ABCC9: variants seen among roughly 807,000 people sequenced by gnomAD.
ABCC9 encodes ATP-binding cassette sub-family C member 9.
A neutral mutation model predicts 188.3 loss-of-function variants in ABCC9; 95 were observed. The observed-to-expected ratio is 0.50, with a 90% CI of 0.43 to 0.60. The LOEUF (loss-of-function observed/expected upper bound fraction) is 0.60, where lower values mean the gene tolerates loss of function less well. Ranked by LOEUF, ABCC9 falls within the 20% of genes least tolerant of loss-of-function variation. The probability of loss-of-function intolerance (pLI) is 0.00; values close to 1 mark genes in which losing one functional copy is unlikely to be tolerated. For missense variants in ABCC9, 1,102 were observed against 1,876.3 expected (o/e 0.59, Z 7.62); for synonymous variants, 659 against 652.7 (o/e 1.01, Z -0.15).
intron 20 of ABCC9, among the ~76,000 whole-genome samples, chr12:21,862,031 A>T (rs1364186100): frequency 6.6e-6 from 1 of 152,126 alleles, no homozygotes; most frequent in African/African-American, 2.4e-5. Context: ...GTTCATCTTA[A>T]TGTAGTAGAG....
At chr12:21,852,279 A>AG in intron 23 of ABCC9, 57 bp from the exon 24 acceptor site, 1 of 1,613,512 alleles carries the variant, frequency 6.2e-7, no homozygotes, top group Non-Finnish European at 8.5e-7. Flanking sequence ...GGCAAAATGA[A>AG]CTACCTTTAT....
At chr12:21,914,492 A>AT (rs1948452535) in intron 7 of ABCC9, among the ~76,000 whole-genome samples, 1 of 152,178 alleles carries the variant, frequency 6.6e-6, no homozygotes, top group Admixed American at 6.6e-5. Context: ...TTAGTCTCTC[A>AT]TTTTGAACTA....
In ABCC9 at chr12:21,842,325, C is replaced by T. The variant is rs1336342134; in HGVS notation, c.3462G>A (p.Arg1154=). The T allele has an allele frequency of 3.7e-6, 6 of 1,613,642 alleles. No homozygotes were observed. Among genetic ancestry groups the T allele is most frequent in the Non-Finnish European group, 5.1e-6 (6 of 1,179,878 alleles). Residue 1154 remains arginine, a synonymous_variant, in exon 29 of 40, where the codon CGG becomes CGA. Coordinates refer to ENST00000261200, the MANE Select transcript of ABCC9 (RefSeq NM_020297.4). ...GCTGTTTTACTTACTTAGAGGCAAC[C>T]CGAAAGTATTTCTGGATAAAATAAA... is the stretch of plus-strand genomic sequence containing the variant. ...VAFYFIQKYF[R]VASKDLQELD... is the part of the protein sequence containing the mutation.
intron 14 of ABCC9, among the ~76,000 whole-genome samples, chr12:21,891,187 C>G (rs1947144889): frequency 6.6e-6 from 1 of 152,058 alleles, no homozygotes; most frequent in Admixed American, 6.6e-5. Flanking sequence ...TTCTTAATGC[C>G]TAGCAATGTA....
chr12:21,831,055 A>AT (rs200013400), intron 30 of ABCC9: 7,283 of 134,086 alleles, frequency 0.054, 311 homozygotes, highest in South Asian at 0.12. Flanking sequence ...CGCAAGGCTC[A>AT]TTTTTTTTTT....
intron 30 of ABCC9, 48 bp from the exon 31 acceptor site, chr12:21,829,108 TAAG>T (rs1162465756): frequency 7.7e-7 from 1 of 1,302,540 alleles, no homozygotes; most frequent in East Asian, 2.7e-5. Flanking sequence ...GGAGAGGTAA[TAAG>T]AAACAGTCAC....
intron 5 of ABCC9, among the ~76,000 whole-genome samples, chr12:21,921,727 C>T (rs1948827015): frequency 6.6e-6 from 1 of 151,982 alleles, no homozygotes; most frequent in African/African-American, 2.4e-5. Flanking sequence ...AGTCTTTAAT[C>T]CATTTTGATT....
At chr12:21,840,290 C>A (rs1273461987) in intron 29 of ABCC9, among the ~76,000 whole-genome samples, 4 of 152,128 alleles carry the variant, frequency 2.6e-5, no homozygotes, top group African/African-American at 7.2e-5. Flanking sequence ...TAAAGAACCT[C>A]AACATCTAGA....
At chr12:21,860,924 T>C in intron 21 of ABCC9, 47 bp downstream of exon 21, 1 of 1,431,200 alleles carries the variant, frequency 7.0e-7, no homozygotes, top group South Asian at 1.1e-5. Context: ...ACCAGAAGAC[T>C]TTTCTAGATT....
At chr12:21,930,083 G>GTTC in intron 4 of ABCC9, among the ~76,000 whole-genome samples, 1 of 150,588 alleles carries the variant, frequency 6.6e-6, no homozygotes, top group Middle Eastern at 3.5e-3. Context: ...AACATGCGGT[G>GTTC]TTTGGTTGTC....
intron 38 of ABCC9, among the ~76,000 whole-genome samples, chr12:21,807,034 C>T (rs112272984): frequency 1.5e-4 from 23 of 152,188 alleles, no homozygotes; most frequent in African/African-American, 4.1e-4. Flanking sequence ...ACTTTTCTGG[C>T]GTAGTACTTG....
At chr12:21,843,512 T>C (rs566746828) in intron 28 of ABCC9, among the ~76,000 whole-genome samples, 5 of 152,338 alleles carry the variant, frequency 3.3e-5, no homozygotes, top group African/African-American at 1.2e-4. Context: ...AGTTTATTTC[T>C]GTTTTTATAG....
At chr12:21,834,194 C>A (rs1250885330) in intron 30 of ABCC9, among the ~76,000 whole-genome samples, 1 of 152,054 alleles carries the variant, frequency 6.6e-6, no homozygotes, top group Non-Finnish European at 1.5e-5. Flanking sequence ...CATTCAATTT[C>A]TTTTTAAAAT....
At chr12:21,838,652 G>T (rs1194079759) in intron 29 of ABCC9, among the ~76,000 whole-genome samples, 1 of 152,192 alleles carries the variant, frequency 6.6e-6, no homozygotes. Flanking sequence ...AGTAGGAAGA[G>T]GCTATGTAAA....
chr12:21,866,477 T>C (rs774107197), intron 18 of ABCC9, among the ~76,000 whole-genome samples: 2 of 152,174 alleles, frequency 1.3e-5, no homozygotes, highest in Non-Finnish European at 2.9e-5. Flanking sequence ...TTATAAAACA[T>C]TAATAAAATA....
intron 30 of ABCC9, among the ~76,000 whole-genome samples, chr12:21,837,846 G>A (rs1486213517): frequency 6.6e-6 from 1 of 152,110 alleles, no homozygotes; most frequent in Non-Finnish European, 1.5e-5. Flanking sequence ...TAGTCACACA[G>A]CTAGTATTTT....
chr12:21,922,666 T>C (rs2137972476), intron 5 of ABCC9, among the ~76,000 whole-genome samples: 1 of 151,194 alleles, frequency 6.6e-6, no homozygotes, highest in African/African-American at 2.4e-5. Context: ...TGAAACCCAA[T>C]AGTGTGAAGA....
In ABCC9 at chr12:21,813,757, A is replaced by C. The variant is rs113796187; in HGVS notation, c.4102+887T>G. Among the ~76,000 whole-genome samples the C allele has an allele frequency of 1.8e-3, 275 of 152,292 alleles. 1 individual carries two copies. Among genetic ancestry groups the C allele is most frequent in the Middle Eastern group, 6.8e-3 (2 of 294 alleles). On this transcript the variant is annotated intron_variant, in intron 35 of 39. Transcript: ENST00000261200. The stretch of plus-strand genomic sequence containing the variant: ...TACCTTGTTCCTGAATCTGAACCCC[A>C]AAAAAACTATATTTACTATAGTTCC...
At chr12:21,908,278 T>A in intron 10 of ABCC9, 67 bp from the exon 11 acceptor site, 1 of 1,544,728 alleles carries the variant, frequency 6.5e-7, no homozygotes, top group South Asian at 1.1e-5. Flanking sequence ...TGAAAGGACA[T>A]AATTTTTAGT....
Sources: allele counts gnomAD v4.1 joint callset (sites outside exome capture counted in the v4.1 genomes callset), GRCh38; gene constraint gnomAD v4.1.1; transcripts MANE v1.5; gene names NCBI Gene and HGNC (gene_info 2026-07-23, HGNC 2026-07-21).